AKNAD1: variants seen among roughly 807,000 people sequenced by gnomAD.
AKNAD1 encodes protein AKNAD1.
AKNAD1 carries 67 observed loss-of-function variants against 90.8 expected under a neutral mutation model. The ratio of observed to expected loss-of-function variants is 0.74; its 90% CI spans 0.61 to 0.90. The LOEUF is 0.90. Ranked by LOEUF, AKNAD1 falls within the 40% of genes least tolerant of loss-of-function variation. The probability of loss-of-function intolerance (pLI) is 0.00; values close to 1 mark genes in which losing one functional copy is unlikely to be tolerated. For missense variants in AKNAD1, 957 were observed against 975.4 expected, an observed-to-expected ratio of 0.98 and a Z score of 0.25; for synonymous variants, 327 against 341.4, an observed-to-expected ratio of 0.96 and a Z score of 0.46.
chr1:108,825,596 T>C (rs1158087598), intron 11 of AKNAD1, among the ~76,000 whole-genome samples: 2 of 151,752 alleles, frequency 1.3e-5, no homozygotes, highest in East Asian at 4.0e-4. Context: ...TTTATATACC[T>C]GAGGTGAAAA....
At position 108,849,028 on chromosome 1, in the gene AKNAD1, A is replaced by G. The variant is rs753945214; in HGVS notation, c.1066T>C (p.Ser356Pro). 1.4e-5 allele frequency: 22 copies of G among 1,609,424 alleles called. No individual in the cohort carries two copies. Among genetic ancestry groups the G allele is most frequent in the Middle Eastern group, 3.3e-4 (2 of 6,042 alleles). The stretch of plus-strand genomic sequence containing the variant: ...GAAGTGCCTTTCTGAGAGGTTGGTG[A>G]CAACTTAGAGAGACTTGCCTCAGAT... ...IESEASLSKLSPTSQKGTSSS... is the reference protein window; with the variant it reads ...IESEASLSKLPPTSQKGTSSS... Residue 356 changes from serine (S) to proline (P), a missense_variant, in exon 4 of 16, where the codon TCA becomes CCA. By Grantham distance (74) the Ser-to-Pro change is moderately conservative. Transcript: ENST00000370001.
chr1:108,817,692 A>G (rs1663663862), intron 14 of AKNAD1, among the ~76,000 whole-genome samples: 1 of 150,174 alleles, frequency 6.7e-6, no homozygotes, highest in African/African-American at 2.5e-5. Flanking sequence ...TTTTTAGTAG[A>G]GATGGGGTTT....
chr1:108,816,045 AT>A lies in AKNAD1; in HGVS notation c.*125del. ...AAGTACTTTGTGTTACCCATTTCTT[AT>A]GGTTTCTGTGTTTTCTCTAGAAAGT... On this transcript the variant is annotated 3_prime_UTR_variant, in exon 16 of 16. Transcript: ENST00000370001. 9.8e-7 allele frequency: 1 copy of A among 1,015,588 alleles called. No homozygotes were observed. The highest frequency in any genetic ancestry group is 1.3e-6 in the Non-Finnish European group (1 of 744,756). 62.9% of individuals were successfully genotyped at this position (1,015,588 alleles called of 1,614,324 possible).
At chr1:108,856,420 C>T (rs1253757283) in intron 1 of AKNAD1, among the ~76,000 whole-genome samples, 1 of 151,986 alleles carries the variant, frequency 6.6e-6, no homozygotes, top group Non-Finnish European at 1.5e-5. Flanking sequence ...GAAAAAAAGT[C>T]CAGGCACAGT....
chr1:108,851,798 A>C lies in AKNAD1; in HGVS notation c.867T>G (p.Ser289=). 6.2e-7 allele frequency: 1 copy of C among 1,614,194 alleles called. No individual in the cohort carries two copies. Among genetic ancestry groups the C allele is most frequent in the Non-Finnish European group, 8.5e-7 (1 of 1,180,020 alleles). The change falls in exon 2 of 16, where the codon TCT becomes TCG. Residue 289 remains serine, a synonymous_variant. Coordinates refer to ENST00000370001, the MANE Select transcript of AKNAD1 (RefSeq NM_152763.5). The part of the protein sequence containing the change: ...PLAIAKQASF[S]SKSRDKPTLV... ...GAGTGGGTTTATCTCTCGACTTGGA[A>C]GAAAAGCTGGCTTGTTTAGCTATTG...
chr1:108,849,178 T>G, intron 3 of AKNAD1, 118 bp from the exon 4 acceptor site: 1 of 984,548 alleles, frequency 1.0e-6, no homozygotes, highest in Non-Finnish European at 1.4e-6. Flanking sequence ...AAAATTTAAT[T>G]TTTTTCAAAA....
At chr1:108,835,098 C>G in intron 7 of AKNAD1, 42 bp from the exon 8 acceptor site, 1 of 1,561,198 alleles carries the variant, frequency 6.4e-7, no homozygotes. Flanking sequence ...GAGCCACAGT[C>G]CCACTGGAGG....
rs765457467 is a variant in AKNAD1 at position 108,852,549 on chromosome 1, T to C, written c.116A>G (p.Asp39Gly). The C allele has an allele frequency of 2.8e-5, 45 of 1,614,042 alleles. No individual in the cohort carries two copies. The highest frequency in any genetic ancestry group is 3.8e-5 in the Non-Finnish European group (45 of 1,180,024). ...GNDYSFTSKK[D>G]GLEVLNQIIF... ...AATTTGATTTAAGACTTCAAGGCCA[T>C]CCTTTTTTGAGGTAAAACTGTAATC... The change falls in exon 2 of 16, where the codon GAT becomes GGT. Residue 39 changes from aspartate (D) to glycine (G), a missense_variant. By Grantham distance (94) the Asp-to-Gly change is moderately conservative. Coordinates refer to ENST00000370001, the MANE Select transcript of AKNAD1 (RefSeq NM_152763.5).
rs1570791534 is a variant in AKNAD1 at position 108,820,571 on chromosome 1, T to G, written c.2223A>C (p.Lys741Asn). The G allele has an allele frequency of 6.2e-7, 1 of 1,610,540 alleles. No individual in the cohort carries two copies. The highest frequency in any genetic ancestry group is 8.5e-7 in the Non-Finnish European group (1 of 1,177,382). The change falls in exon 14 of 16, where the codon AAA becomes AAC. Residue 741 changes from lysine (K) to asparagine (N), a missense_variant. Physicochemically the swap from Lys to Asn is moderately conservative, Grantham distance 94 (BLOSUM62 0). Coordinates refer to ENST00000370001, the MANE Select transcript of AKNAD1 (RefSeq NM_152763.5). ...CSQRVNSKSF[K>N]GEHEPTPGKK... ...TTCCTGGTGTGGGCTCATGTTCACC[T>G]TTAAAGGATTTTGAATTCACTCTCT...
chr1:108,823,511 C>T (rs1557825411), intron 12 of AKNAD1, 34 bp from the exon 13 acceptor site: 4 of 1,609,750 alleles, frequency 2.5e-6, no homozygotes, highest in Non-Finnish European at 3.4e-6. Context: ...CAGTTAATTG[C>T]CTGGGAACAG....
intron 15 of AKNAD1, 197 bp downstream of exon 15, chr1:108,816,851 A>G: frequency 1.8e-6 from 1 of 544,146 alleles, no homozygotes. Flanking sequence ...TTTCCCTTGG[A>G]ACCAATTTAG....
intron 13 of AKNAD1, among the ~76,000 whole-genome samples, chr1:108,822,412 G>C (rs985993549): frequency 5.3e-5 from 8 of 152,214 alleles, no homozygotes; most frequent in African/African-American, 1.7e-4. Flanking sequence ...GGCATGACAA[G>C]TGTCACAGGC....
At chr1:108,834,212 C>CGGAGAAGTT (rs1184836804) in intron 9 of AKNAD1, among the ~76,000 whole-genome samples, 1 of 152,028 alleles carries the variant, frequency 6.6e-6, no homozygotes, top group Non-Finnish European at 1.5e-5. Flanking sequence ...TTCATAGGCT[C>CGGAGAAGTT]GGAGAAGTTG....
At chr1:108,820,671 GC>G (rs746183909) in intron 13 of AKNAD1, 45 bp from the exon 14 acceptor site, 2 of 1,136,454 alleles carry the variant, frequency 1.8e-6, no homozygotes, top group Non-Finnish European at 2.6e-6. Flanking sequence ...TCAAAAATGA[GC>G]CCCAAATGGT....
chr1:108,852,197 A>G lies in AKNAD1; in HGVS notation c.468T>C (p.Asn156=). ...AIIKSIISCY[N]KNSWPKEQTP... is the part of the protein sequence containing the mutation. ...TTTGTTCTTTTGGCCAAGAATTCTT[A>G]TTATAACATGAAATAATACTTTTAA... The change falls in exon 2 of 16, where the codon AAT becomes AAC. Residue 156 remains asparagine (N), a synonymous_variant. Transcript: ENST00000370001. The G allele has an allele frequency of 6.2e-7, 1 of 1,613,718 alleles. No homozygotes were observed. The highest frequency in any genetic ancestry group is 8.5e-7 in the Non-Finnish European group (1 of 1,179,900).
chr1:108,845,126 A>G (rs1383273466), intron 5 of AKNAD1, among the ~76,000 whole-genome samples: 1 of 152,210 alleles, frequency 6.6e-6, no homozygotes. Flanking sequence ...GCCAATTCTT[A>G]TTAATATTAA....
At chr1:108,834,426 G>T in intron 9 of AKNAD1, 21 bp downstream of exon 9, 1 of 1,589,000 alleles carries the variant, frequency 6.3e-7, no homozygotes, top group Non-Finnish European at 8.6e-7. Flanking sequence ...ACCCAGCCAG[G>T]CCCCGGCTGC....
At chr1:108,847,559 C>G (rs1233790173) in intron 5 of AKNAD1, among the ~76,000 whole-genome samples, 1 of 152,160 alleles carries the variant, frequency 6.6e-6, no homozygotes, top group African/African-American at 2.4e-5. Context: ...GTCTCCTCCC[C>G]CACCCCCATG....
At chr1:108,850,216 G>A (rs1438382078) in intron 2 of AKNAD1, among the ~76,000 whole-genome samples, 2 of 152,182 alleles carry the variant, frequency 1.3e-5, no homozygotes, top group Non-Finnish European at 2.9e-5. Flanking sequence ...TCAGAAACAC[G>A]CTAGTGCTGG....
Sources: gnomAD v4.1 joint callset for allele counts (sites outside exome capture counted in the v4.1 genomes callset) on GRCh38, gnomAD v4.1.1 for gene constraint, MANE v1.5 for transcripts, NCBI Gene and HGNC (gene_info 2026-07-23, HGNC 2026-07-21) for gene names.